The following GANC variants were observed in gnomAD, a reference collection of about 807,000 sequenced individuals.
The protein encoded by GANC is glucosidase alpha, neutral C, also known as neutral alpha-glucosidase C.
GANC carries 117 observed loss-of-function variants against 124.2 expected under a neutral mutation model. The observed-to-expected ratio is 0.94, with a 90% confidence interval of 0.81 to 1.10. The LOEUF (loss-of-function observed/expected upper bound fraction) is 1.10, where lower values mean the gene tolerates loss of function less well. Among genes scored for constraint, GANC ranks in the 50% least tolerant of loss-of-function variants. The pLI is 0.00. For missense variants in GANC, 1,140 were observed against 1,095.0 expected (o/e 1.04, Z -0.58); for synonymous variants, 377 against 376.8 (o/e 1.00, Z -0.01).
intron 20 of GANC, among the ~76,000 whole-genome samples, chr15:42,347,326 T>C (rs958469720): frequency 1.5e-4 from 23 of 152,158 alleles, no homozygotes; most frequent in African/African-American, 5.1e-4. Context: ...TCATGTATGT[T>C]CTTGTACTCT....
chr15:42,324,474 T>G (rs1325686263), intron 11 of GANC, among the ~76,000 whole-genome samples: 1 of 152,086 alleles, frequency 6.6e-6, no homozygotes, highest in Non-Finnish European at 1.5e-5. Flanking sequence ...GAAAAGATAT[T>G]TATACACCCA....
intron 6 of GANC, among the ~76,000 whole-genome samples, chr15:42,305,973 T>G (rs755076159): frequency 4.0e-5 from 6 of 151,222 alleles, no homozygotes; most frequent in Non-Finnish European, 7.4e-5. Flanking sequence ...GAGATAGCAT[T>G]AGGAGTAATA....
In GANC at chr15:42,273,449, G is replaced by A; in HGVS notation, c.-1033G>A. On this transcript the variant is annotated 5_prime_UTR_variant, in exon 1 of 24. Transcript: ENST00000318010. ...AAAGCATTTCACCCTCTTCCGGTTC[G>A]TCCCGCCTTCTTCCGGCTCTGCTCT... 4.4e-6 allele frequency: 7 copies of A among 1,607,870 alleles called. No homozygotes were observed. Among genetic ancestry groups the A allele is most frequent in the Non-Finnish European group, 5.9e-6 (7 of 1,177,430 alleles).
intron 9 of GANC, 60 bp from the exon 10 acceptor site, chr15:42,310,633 T>C: frequency 6.3e-7 from 1 of 1,575,302 alleles, no homozygotes. Context: ...TACTTATATG[T>C]GGCTGGATGT....
intron 15 of GANC, among the ~76,000 whole-genome samples, chr15:42,333,837 T>C (rs2052264525): frequency 6.6e-6 from 1 of 152,222 alleles, no homozygotes; most frequent in South Asian, 2.1e-4. Flanking sequence ...GTAACACTTC[T>C]CTCAAATTTT....
At chr15:42,298,288 G>A (rs570123240) in intron 6 of GANC, among the ~76,000 whole-genome samples, 16 of 152,288 alleles carry the variant, frequency 1.1e-4, no homozygotes, top group South Asian at 8.3e-4. Context: ...AGAAAGGAAA[G>A]CAAAGGGGAG....
At chr15:42,322,155 G>T (rs1214517538) in intron 11 of GANC, 135 bp downstream of exon 11, 117 of 709,412 alleles carry the variant, frequency 1.6e-4, no homozygotes, top group Non-Finnish European at 1.1e-4. Flanking sequence ...AAATATAATT[G>T]TCACTGTGAT....
At chr15:42,346,574 T>A (rs1277775968) in intron 20 of GANC, among the ~76,000 whole-genome samples, 1 of 152,206 alleles carries the variant, frequency 6.6e-6, no homozygotes, top group Non-Finnish European at 1.5e-5. Context: ...CTACTCTGAT[T>A]TCACAGAATG....
intron 13 of GANC, among the ~76,000 whole-genome samples, chr15:42,328,677 G>GA: frequency 6.6e-6 from 1 of 152,116 alleles, no homozygotes; most frequent in East Asian, 1.9e-4. Context: ...CTGCCTGAGG[G>GA]ACTCCCTGTC....
In GANC at chr15:42,308,243, A is replaced by C. The variant is rs2052016603; in HGVS notation, c.647A>C (p.Asp216Ala). Residue 216 changes from aspartate to alanine, a missense_variant, in exon 8 of 24, where the codon GAT (aspartate) becomes GCT (alanine). Physicochemically the swap from Asp to Ala is moderately radical, Grantham distance 126 (BLOSUM62 -2). Coordinates refer to ENST00000318010, the MANE Select transcript of GANC (RefSeq NM_198141.3). The part of the protein sequence containing the change: ...KANGPSSIGL[D>A]FSLHGFEHLY... ...ACAGGCCCTTCTTCTATTGGTTTGG[A>C]TTTCTCCTTGCATGGATTTGAGCAT... 1 of 1,606,542 alleles carries C rather than the reference A, an allele frequency of 6.2e-7. No homozygotes were observed. The highest frequency in any genetic ancestry group is 2.2e-5 in the East Asian group (1 of 44,774).
chr15:42,336,376 A>G (rs540547739), intron 15 of GANC, among the ~76,000 whole-genome samples: 127 of 152,326 alleles, frequency 8.3e-4, no homozygotes, highest in Middle Eastern at 3.4e-3. Flanking sequence ...AAAACAAGCA[A>G]TGGGGAAAGG....
chr15:42,331,883 TAAAA>T (rs748496732), intron 15 of GANC, among the ~76,000 whole-genome samples: 3 of 152,080 alleles, frequency 2.0e-5, no homozygotes, highest in Admixed American at 1.3e-4. Flanking sequence ...ATATGATAAA[TAAAA>T]AAAGGAACAC....
Position 42,339,724 on chromosome 15 carries a change from C to G in GANC, c.1899C>G (p.Tyr633Ter). The change falls in exon 17 of 24, where the codon TAC becomes TAG. Residue 633 changes from tyrosine (Y) to a stop codon, truncating the protein, a stop_gained. Coordinates refer to ENST00000318010, the MANE Select transcript of GANC (RefSeq NM_198141.3). LOFTEE classifies it high-confidence loss of function. The part of the protein sequence containing the change: ...NPETELLVRW[Y>*]QAGAYQPFFR... ...AGACAGAGCTGCTAGTGCGTTGGTA[C>G]CAGGCTGGAGCCTACCAGCCCTTCT... 1.2e-6 allele frequency: 2 copies of G among 1,614,166 alleles called. No homozygotes were observed. Among genetic ancestry groups the G allele is most frequent in the African/African-American group, 1.3e-5 (1 of 75,050 alleles).
intron 13 of GANC, among the ~76,000 whole-genome samples, chr15:42,328,416 G>T (rs958010610): frequency 6.6e-6 from 1 of 151,616 alleles, no homozygotes; most frequent in Non-Finnish European, 1.5e-5. Context: ...TGCTTTAGAT[G>T]GTTCTAAAGG....
intron 8 of GANC, 119 bp downstream of exon 8, chr15:42,308,437 T>C: frequency 1.6e-6 from 1 of 611,520 alleles, no homozygotes; most frequent in Non-Finnish European, 3.0e-6. Context: ...CTCCTTTATA[T>C]TGCTTGTGGA....
rs1042511681 is a variant in GANC, at chr15:42,286,080, A to T, written c.202-1611A>T. Among the ~76,000 whole-genome samples, 57 of 152,092 alleles carry T rather than the reference A, an allele frequency of 3.7e-4. No individual in the cohort carries two copies. The Middle Eastern group carries it at 0.01, about 27-fold the overall frequency. The stretch of plus-strand genomic sequence containing the variant: ...AATCTCTGAGTGAATAACTAAATGT[A>T]AATTGTTAATCATATATAGGCAGAC... On this transcript the variant is annotated intron_variant, in intron 3 of 23. Transcript: ENST00000318010.
intron 3 of GANC, 131 bp from the exon 4 acceptor site, chr15:42,287,560 A>G (rs1401678416): frequency 2.3e-6 from 2 of 859,004 alleles, no homozygotes; most frequent in South Asian, 3.6e-5. Flanking sequence ...TTTTTTTTTA[A>G]TTGCCATTGT....
intron 6 of GANC, among the ~76,000 whole-genome samples, chr15:42,305,050 GAAA>G (rs1205465806): frequency 1.3e-5 from 2 of 151,422 alleles, no homozygotes; most frequent in African/African-American, 4.9e-5. Context: ...ATAAGAAATG[GAAA>G]AGACTTCATG....
chr15:42,336,641 A>G (rs2052285513), intron 15 of GANC, among the ~76,000 whole-genome samples: 1 of 152,266 alleles, frequency 6.6e-6, no homozygotes, highest in Admixed American at 6.5e-5. Flanking sequence ...ATGGGATCTA[A>G]TTAAACTAAA....
Sources: gnomAD v4.1 joint callset for allele counts (sites outside exome capture counted in the v4.1 genomes callset) on GRCh38, gnomAD v4.1.1 for gene constraint, MANE v1.5 for transcripts, NCBI Gene and HGNC (gene_info 2026-07-23, HGNC 2026-07-21) for gene names.